The following MIS18A variants were observed in gnomAD, a reference collection of about 807,000 sequenced individuals.
The protein encoded by MIS18A is protein Mis18-alpha.
A neutral mutation model predicts 25.0 loss-of-function variants in MIS18A; 14 were observed. That is an observed-to-expected ratio of 0.56 (90% confidence interval 0.37 to 0.88). MIS18A has a LOEUF of 0.88. MIS18A is among the 40% of genes least tolerant of loss of function. The pLI is 0.00. For synonymous variants in MIS18A, 134 were observed against 118.6 expected, an observed-to-expected ratio of 1.13 and a Z score of -0.84; for missense variants, 292 against 290.8, an observed-to-expected ratio of 1.00 and a Z score of -0.03.
the MIS18A span, among the ~76,000 whole-genome samples, chr21:32,249,999 A>C: frequency 6.6e-6 from 1 of 152,244 alleles, no homozygotes; most frequent in African/African-American, 2.4e-5. Flanking sequence ...GAGAAAACCG[A>C]GGCTTAGGAC....
At chr21:32,236,191 GGT>G in the MIS18A span, among the ~76,000 whole-genome samples, 2 of 149,440 alleles carry the variant, frequency 1.3e-5, no homozygotes, top group East Asian at 3.9e-4. Context: ...TGGCTAACAC[GGT>G]GAAACCCCGT....
the MIS18A span, among the ~76,000 whole-genome samples, chr21:32,180,112 G>A: frequency 6.6e-6 from 1 of 152,190 alleles, no homozygotes; most frequent in Non-Finnish European, 1.5e-5. Context: ...ATTCAGCAAA[G>A]TAAGCAAAAT....
At chr21:32,231,844 C>T in the MIS18A span, among the ~76,000 whole-genome samples, 8 of 151,918 alleles carry the variant, frequency 5.3e-5, no homozygotes, top group South Asian at 2.1e-4. Flanking sequence ...ACTCAGGAGG[C>T]GGAGCTTGCA....
chr21:32,189,725 C>T, the MIS18A span, among the ~76,000 whole-genome samples: 40 of 152,162 alleles, frequency 2.6e-4, no homozygotes, highest in African/African-American at 2.4e-5. Flanking sequence ...TAGGACTGAG[C>T]TCCAATACTG....
the MIS18A span, among the ~76,000 whole-genome samples, chr21:32,185,258 T>A: frequency 6.6e-6 from 1 of 152,002 alleles, no homozygotes; most frequent in African/African-American, 2.4e-5. Context: ...TCCCCCTCAC[T>A]CACTCCTCCC....
chr21:32,196,864 G>T, the MIS18A span, among the ~76,000 whole-genome samples: 1 of 152,166 alleles, frequency 6.6e-6, no homozygotes, highest in Non-Finnish European at 1.5e-5. Context: ...TTGATAGAAA[G>T]ATAGGCATCC....
At chr21:32,199,029 C>G in the MIS18A span, among the ~76,000 whole-genome samples, 1 of 152,172 alleles carries the variant, frequency 6.6e-6, no homozygotes, top group Middle Eastern at 3.4e-3. Flanking sequence ...ATTAAGGTCA[C>G]AAAAGTGTGT....
the MIS18A span, among the ~76,000 whole-genome samples, chr21:32,246,929 C>T: frequency 6.6e-6 from 1 of 152,018 alleles, no homozygotes; most frequent in Non-Finnish European, 1.5e-5. Context: ...ATTTTATTGT[C>T]AGAAGAAAAA....
chr21:32,271,184 C>T lies in MIS18A; in HGVS notation c.402-655G>A, dbSNP rs143411771. On this transcript the variant is annotated intron_variant, in intron 2 of 4. Coordinates refer to ENST00000290130, the MANE Select transcript of MIS18A (RefSeq NM_018944.3). ...GGCTTAGAATCCAGTGTCTCCCAAA[C>T]GCCTTGTTGAACTGACCCATCCAAA... Among the ~76,000 whole-genome samples, 89 of 152,274 alleles carry T rather than the reference C, an allele frequency of 5.8e-4. No homozygotes were observed. The East Asian group carries it at 0.014, about 24-fold the overall frequency.
At chr21:32,228,889 T>G in the MIS18A span, among the ~76,000 whole-genome samples, 1 of 152,172 alleles carries the variant, frequency 6.6e-6, no homozygotes, top group African/African-American at 2.4e-5. Context: ...CACAATGTGT[T>G]CATAGATTGG....
the MIS18A span, among the ~76,000 whole-genome samples, chr21:32,203,207 T>C: frequency 1.3e-5 from 2 of 151,304 alleles, no homozygotes; most frequent in East Asian, 3.9e-4. Flanking sequence ...GATTGCTCCA[T>C]AAGGTCAATT....
At chr21:32,200,441 T>C in the MIS18A span, among the ~76,000 whole-genome samples, 29 of 151,576 alleles carry the variant, frequency 1.9e-4, no homozygotes, top group African/African-American at 5.3e-4. Context: ...TTTTCTTTTT[T>C]TTTTTTTTTT....
At chr21:32,270,758 CAA>C (rs1359626518) in intron 2 of MIS18A, among the ~76,000 whole-genome samples, 2 of 152,074 alleles carry the variant, frequency 1.3e-5, no homozygotes, top group Non-Finnish European at 1.5e-5. Context: ...AAAAAAGTGA[CAA>C]GAGAGAATAT....
At chr21:32,233,970 G>A in the MIS18A span, among the ~76,000 whole-genome samples, 2 of 152,158 alleles carry the variant, frequency 1.3e-5, no homozygotes, top group African/African-American at 2.4e-5. Context: ...GAGAAGCCTC[G>A]GGAGATATGA....
chr21:32,235,967 C>T, the MIS18A span, among the ~76,000 whole-genome samples: 1 of 152,124 alleles, frequency 6.6e-6, no homozygotes, highest in South Asian at 2.1e-4. Flanking sequence ...TCAAGAGCCC[C>T]CCTGCAAGTG....
chr21:32,276,323 T>C (rs1166124154), intron 1 of MIS18A, among the ~76,000 whole-genome samples: 1 of 151,546 alleles, frequency 6.6e-6, no homozygotes. Context: ...TAGCGGGGTG[T>C]GGTGGCGGGA....
chr21:32,166,085 G>A, the MIS18A span, among the ~76,000 whole-genome samples: 2 of 152,214 alleles, frequency 1.3e-5, no homozygotes, highest in Non-Finnish European at 2.9e-5. Context: ...GAGTTGCCAG[G>A]GGGTGAGGGG....
the MIS18A span, among the ~76,000 whole-genome samples, chr21:32,156,955 A>G: frequency 6.6e-6 from 1 of 151,746 alleles, no homozygotes; most frequent in African/African-American, 2.4e-5. Flanking sequence ...TTCACTTGGT[A>G]TTTTATAGGG....
chr21:32,157,242 G>GTTTT, the MIS18A span, among the ~76,000 whole-genome samples: 2 of 15,358 alleles, frequency 1.3e-4, no homozygotes, highest in African/African-American at 4.1e-4. Context: ...TTTTTTTTTG[G>GTTTT]TAGTTTTAGT....
Sources: gnomAD v4.1 joint callset for allele counts (sites outside exome capture counted in the v4.1 genomes callset) on GRCh38, gnomAD v4.1.1 for gene constraint, MANE v1.5 for transcripts, NCBI Gene and HGNC (gene_info 2026-07-23, HGNC 2026-07-21) for gene names.